The following TRIB1 variants were observed in gnomAD, a reference collection of about 807,000 sequenced individuals.
TRIB1 encodes tribbles pseudokinase 1.
Under a neutral mutation model 27.8 loss-of-function variants are expected in TRIB1, and 12 were observed. The ratio of observed to expected loss-of-function variants is 0.43; its 90% CI spans 0.28 to 0.70. The LOEUF is 0.70. Ranked by LOEUF, TRIB1 falls within the 30% of genes least tolerant of loss-of-function variation. The probability of loss-of-function intolerance (pLI) is 0.18; values close to 1 mark genes in which losing one functional copy is unlikely to be tolerated. For missense variants in TRIB1, 475 were observed against 515.8 expected, an observed-to-expected ratio of 0.92 and a Z score of 0.77; for synonymous variants, 230 against 224.9, an observed-to-expected ratio of 1.02 and a Z score of -0.20.
intron 2 of TRIB1, among the ~76,000 whole-genome samples, chr8:125,435,239 G>A (rs753832625): frequency 4.6e-5 from 7 of 152,158 alleles, no homozygotes; most frequent in Non-Finnish European, 8.8e-5. Flanking sequence ...ATGCTCACAT[G>A]TTGATGTGCC....
chr8:125,430,585 G>C lies in TRIB1; in HGVS notation c.-318G>C. On this transcript the variant is annotated 5_prime_UTR_variant, in exon 1 of 3. Coordinates refer to ENST00000311922, the MANE Select transcript of TRIB1 (RefSeq NM_025195.4). ...GCTGACCGCTGCCGCCGCCGCCTCT[G>C]CCTCCCGGACTATCGGCAGCCTCGG... is the stretch of plus-strand genomic sequence containing the variant. The C allele has an allele frequency of 3.7e-6, 1 of 268,186 alleles. No individual in the cohort carries two copies. Among genetic ancestry groups the C allele is most frequent in the Non-Finnish European group, 7.1e-6 (1 of 141,818 alleles). The allele number at this position is 268,186 out of a possible 1,614,324, so 16.6% of individuals were successfully genotyped here.
intron 2 of TRIB1, among the ~76,000 whole-genome samples, chr8:125,434,320 C>A (rs1814711707): frequency 1.3e-5 from 2 of 152,148 alleles, no homozygotes; most frequent in African/African-American, 2.4e-5. Flanking sequence ...ATGAGATAGA[C>A]CACACTTGAT....
At position 125,436,321 on chromosome 8, in the gene TRIB1, C is replaced by T. The variant is rs756856877; in HGVS notation, c.969C>T (p.Pro323=). The T allele has an allele frequency of 6.2e-7, 1 of 1,613,956 alleles. No individual in the cohort carries two copies. Among genetic ancestry groups the T allele is most frequent in the Non-Finnish European group, 8.5e-7 (1 of 1,180,008 alleles). Residue 323 remains proline (P), a synonymous_variant, in exon 3 of 3, where the codon CCC becomes CCT. Coordinates refer to ENST00000311922, the MANE Select transcript of TRIB1 (RefSeq NM_025195.4). ...TTCGCAGCCTCTTGAGACGGGAGCC[C>T]TCCGAGAGACTCACTGCCCCCGAGA... ...CLIRSLLRRE[P]SERLTAPEIL...
At chr8:125,431,300 G>A (rs937853730) in intron 1 of TRIB1, 38 bp downstream of exon 1, 2 of 1,253,562 alleles carry the variant, frequency 1.6e-6, no homozygotes, top group Middle Eastern at 3.0e-4. Flanking sequence ...TGGGGTCGGG[G>A]GCGCGGGACG....
chr8:125,436,697 C>T lies in TRIB1; in HGVS notation c.*226C>T, dbSNP rs1270230406. 1 of 584,928 alleles carries T rather than the reference C, an allele frequency of 1.7e-6. No individual in the cohort carries two copies. Among genetic ancestry groups the T allele is most frequent in the Non-Finnish European group, 3.0e-6 (1 of 330,250 alleles). The allele number at this position is 584,928 out of a possible 1,614,324, so 36.2% of individuals were successfully genotyped here. On this transcript the variant is annotated 3_prime_UTR_variant, in exon 3 of 3. Transcript: ENST00000311922. Reference sequence around the variant, plus strand: ...TGCAAATTTGTTTCCCTTAAGGAACCCTCACCAACTATCTCTGCTGGATTT... The same window carrying T: ...TGCAAATTTGTTTCCCTTAAGGAACTCTCACCAACTATCTCTGCTGGATTT...
In TRIB1 at chr8:125,436,972, C is replaced by T. The variant is rs1365639962; in HGVS notation, c.*501C>T. On this transcript the variant is annotated 3_prime_UTR_variant, in exon 3 of 3. Coordinates refer to ENST00000311922, the MANE Select transcript of TRIB1 (RefSeq NM_025195.4). ...AAAGTTCCTTTTTTGGCTTAACACT[C>T]ACCCTTTCTTCACACTCACATTTAC... 1 of 176,708 alleles carries T rather than the reference C, an allele frequency of 5.7e-6. No individual in the cohort carries two copies. Among genetic ancestry groups the T allele is most frequent in the Admixed American group, 5.5e-5 (1 of 18,120 alleles). The allele number at this position is 176,708 out of a possible 1,614,324, so 10.9% of individuals were successfully genotyped here.
chr8:125,436,178 A>G lies in TRIB1; in HGVS notation c.826A>G (p.Thr276Ala). 3.7e-6 allele frequency: 6 copies of G among 1,613,958 alleles called. No individual in the cohort carries two copies. The highest frequency in any genetic ancestry group is 5.1e-6 in the Non-Finnish European group (6 of 1,179,964). ...DVWSLGVMLY[T>A]LLVGRYPFHD... Reference sequence around the variant, plus strand: ...TTGGAGCCTGGGGGTGATGCTCTACACCCTTCTGGTTGGACGATACCCCTT... The same window carrying G: ...TTGGAGCCTGGGGGTGATGCTCTACGCCCTTCTGGTTGGACGATACCCCTT... Residue 276 changes from threonine to alanine, a missense_variant, in exon 3 of 3, where the codon ACC becomes GCC. Physicochemically the swap from Thr to Ala is moderately conservative, Grantham distance 58 (BLOSUM62 0). Transcript: ENST00000311922.
intron 2 of TRIB1, among the ~76,000 whole-genome samples, chr8:125,434,239 A>G (rs1189551511): frequency 6.6e-6 from 1 of 152,230 alleles, no homozygotes; most frequent in Non-Finnish European, 1.5e-5. Flanking sequence ...GAACAAGATG[A>G]GCTTGATAAG....
intron 1 of TRIB1, chr8:125,432,430 GTC>G (rs1814673464): frequency 7.9e-6 from 3 of 377,908 alleles, no homozygotes; most frequent in Admixed American, 6.4e-5. Context: ...GGTGGGGTGA[GTC>G]TGGCCATTGT....
chr8:125,436,190 G>A lies in TRIB1; in HGVS notation c.838G>A (p.Gly280Arg). 1 of 1,614,110 alleles carries A rather than the reference G, an allele frequency of 6.2e-7. No individual in the cohort carries two copies. ...GGTGATGCTCTACACCCTTCTGGTT[G>A]GACGATACCCCTTCCATGACTCAGA... ...LGVMLYTLLV[G>R]RYPFHDSDPS... Residue 280 changes from glycine to arginine, a missense_variant, in exon 3 of 3, where the codon GGA (glycine) becomes AGA (arginine). Physicochemically the swap from Gly to Arg is moderately radical, Grantham distance 125. Coordinates refer to ENST00000311922, the MANE Select transcript of TRIB1 (RefSeq NM_025195.4).
Position 125,436,593 on chromosome 8 carries a change from C to A in TRIB1, c.*122C>A, listed in dbSNP as rs1398135396. On this transcript the variant is annotated 3_prime_UTR_variant, in exon 3 of 3. Transcript: ENST00000311922. ...CTGCATCAGGATGAAAGCTGCTGAACTCGGCATGGCGCCTCCTCTTCTCTG... is the reference window on the plus strand; with the variant it reads ...CTGCATCAGGATGAAAGCTGCTGAAATCGGCATGGCGCCTCCTCTTCTCTG... The A allele has an allele frequency of 2.5e-5, 23 of 912,476 alleles. No individual in the cohort carries two copies. Among genetic ancestry groups the A allele is most frequent in the Non-Finnish European group, 3.8e-5 (23 of 607,524 alleles). 56.5% of individuals were successfully genotyped at this position (912,476 alleles called of 1,614,324 possible). A position where few individuals can be genotyped will look rare whatever the true frequency, so the allele number is the denominator to read the frequency against.
chr8:125,433,812 G>A lies in TRIB1; in HGVS notation c.653+203G>A, dbSNP rs538882785. ...CTCTTGGACGGGGCCTGGGGACACC[G>A]TGGCGCTTCTATGGGATGGCAAGTG... On this transcript the variant is annotated intron_variant, in intron 2 of 2. Transcript: ENST00000311922. This position sits in a 1 kb window ranked among gnomAD's most constrained non-coding sequence, Gnocchi z 4.4. The A allele has an allele frequency of 2.0e-5, 12 of 588,924 alleles. No homozygotes were observed. Among genetic ancestry groups the A allele is most frequent in the South Asian group, 1.4e-4 (6 of 43,366 alleles). 36.5% of individuals were successfully genotyped at this position (588,924 alleles called of 1,614,324 possible).
At chr8:125,432,240 C>T (rs1814668890) in intron 1 of TRIB1, 1 of 984,784 alleles carries the variant, frequency 1.0e-6, no homozygotes, top group Admixed American at 6.2e-5. Flanking sequence ...ATTTCAGACG[C>T]ATGATCAAGC....
At position 125,436,534 on chromosome 8, in the gene TRIB1, C is replaced by T. The variant is rs530681133; in HGVS notation, c.*63C>T. On this transcript the variant is annotated 3_prime_UTR_variant, in exon 3 of 3. Transcript: ENST00000311922. ...TGGCATTTCCATTTCTAAAGATGGA[C>T]AGGCCCTTTGGCGTGGTACCAACCA... 31 of 1,529,208 alleles carry T rather than the reference C, an allele frequency of 2.0e-5. No individual in the cohort carries two copies. In the East Asian group the frequency reaches 6.1e-4, roughly 30 times the overall value. 94.7% of individuals were successfully genotyped at this position (1,529,208 alleles called of 1,614,324 possible).
At position 125,438,321 on chromosome 8, in the gene TRIB1, C is replaced by G. The variant is rs1303356658; in HGVS notation, c.*1850C>G. The G allele has an allele frequency of 1.3e-5, 2 of 152,378 alleles. No individual in the cohort carries two copies. The highest frequency in any genetic ancestry group is 2.9e-5 in the Non-Finnish European group (2 of 68,030). 9.4% of individuals were successfully genotyped at this position (152,378 alleles called of 1,614,324 possible). A position where few individuals can be genotyped will look rare whatever the true frequency, so the allele number is the denominator to read the frequency against. On this transcript the variant is annotated 3_prime_UTR_variant, in exon 3 of 3. Transcript: ENST00000311922. Reference sequence around the variant, plus strand: ...GGAAAGCTAGAAACACTAGGTTCTTCCTGTACATACGTGTATATATGTGAA... The same window carrying G: ...GGAAAGCTAGAAACACTAGGTTCTTGCTGTACATACGTGTATATATGTGAA...
intron 1 of TRIB1, chr8:125,432,226 T>A (rs1488974576): frequency 1.0e-6 from 1 of 984,598 alleles, no homozygotes; most frequent in African/African-American, 1.8e-5. Flanking sequence ...CCAACCCGAA[T>A]GAAATTTCAG....
At chr8:125,432,816 C>T (rs1814680544) in intron 1 of TRIB1, 1 of 155,284 alleles carries the variant, frequency 6.4e-6, no homozygotes. Context: ...TTCTCTGGCC[C>T]CTGCTTCCCC....
Position 125,431,247 on chromosome 8 carries a change from C to T in TRIB1, c.345C>T (p.Arg115=). Residue 115 remains arginine, a synonymous_variant, in exon 1 of 3, where the codon CGC becomes CGT. Transcript: ENST00000311922. The part of the protein sequence containing the change: ...VSRALCIHTG[R]ELRCKVFPIK... ...GGGCGCTGTGCATCCACACTGGACGCGAGCTGCGCTGCAAGGTAGGCGCTC... is the reference window on the plus strand; with the variant it reads ...GGGCGCTGTGCATCCACACTGGACGTGAGCTGCGCTGCAAGGTAGGCGCTC... 4.7e-6 allele frequency: 6 copies of T among 1,263,264 alleles called. No individual in the cohort carries two copies. The highest frequency in any genetic ancestry group is 6.0e-6 in the Non-Finnish European group (6 of 1,005,428). The allele number at this position is 1,263,264 out of a possible 1,614,324, so 78.3% of individuals were successfully genotyped here. A position where few individuals can be genotyped will look rare whatever the true frequency, so the allele number is the denominator to read the frequency against.
intron 2 of TRIB1, among the ~76,000 whole-genome samples, chr8:125,435,579 G>A (rs1220030991): frequency 6.6e-6 from 1 of 152,188 alleles, no homozygotes; most frequent in Non-Finnish European, 1.5e-5. Context: ...TAAGAGGGAA[G>A]ATGGGTTCGT....
Sources: gnomAD v4.1 joint callset for allele counts (sites outside exome capture counted in the v4.1 genomes callset) on GRCh38, gnomAD v4.1.1 for gene constraint, Gnocchi (gnomAD v3.1) non-coding constraint, MANE v1.5 for transcripts, NCBI Gene and HGNC (gene_info 2026-07-23, HGNC 2026-07-21) for gene names.